Variants in ANKS4B observed in about 807,000 individuals in gnomAD.
The protein encoded by ANKS4B is ankyrin repeat and SAM domain-containing protein 4B.
Under a neutral mutation model 20.2 loss-of-function variants are expected in ANKS4B, and 21 were observed. The ratio of observed to expected loss-of-function variants is 1.04; its 90% CI spans 0.74 to 1.50. The LOEUF is 1.50. ANKS4B is among the 40% of genes most tolerant of loss of function. ANKS4B has a pLI of 0.00. For synonymous variants in ANKS4B, 179 were observed against 194.5 expected, an observed-to-expected ratio of 0.92 and a Z score of 0.66; for missense variants, 473 against 494.6, an observed-to-expected ratio of 0.96 and a Z score of 0.41.
intron 1 of ANKS4B, among the ~76,000 whole-genome samples, chr16:21,239,967 T>TA (rs1161286251): frequency 2.6e-5 from 4 of 151,956 alleles, no homozygotes; most frequent in East Asian, 3.9e-4. Context: ...AACCTAAAAT[T>TA]AAAAAAAATT....
chr16:21,242,347 C>T (rs762018735), intron 1 of ANKS4B, among the ~76,000 whole-genome samples: 19 of 152,178 alleles, frequency 1.2e-4, no homozygotes, highest in Non-Finnish European at 1.5e-4. Flanking sequence ...GCCACCACAC[C>T]CAGCTAATTT....
At chr16:21,248,504 TG>T (rs1481887183) in intron 1 of ANKS4B, among the ~76,000 whole-genome samples, 1 of 151,232 alleles carries the variant, frequency 6.6e-6, no homozygotes, top group East Asian at 2.0e-4. Context: ...CTGAGGCGGG[TG>T]GATCACCTGA....
chr16:21,238,851 C>A (rs931303364), intron 1 of ANKS4B: 3 of 152,158 alleles, frequency 2.0e-5, no homozygotes, highest in Non-Finnish European at 2.9e-5. Context: ...TCCTTCTCAA[C>A]TCCTTTCTTC....
chr16:21,242,980 T>C (rs2093328189), intron 1 of ANKS4B, among the ~76,000 whole-genome samples: 1 of 152,226 alleles, frequency 6.6e-6, no homozygotes, highest in Admixed American at 6.5e-5. Context: ...CAAGTATTAC[T>C]ATTCTTTTTA....
At chr16:21,247,535 C>G (rs1348532765) in intron 1 of ANKS4B, among the ~76,000 whole-genome samples, 1 of 152,194 alleles carries the variant, frequency 6.6e-6, no homozygotes, top group Non-Finnish European at 1.5e-5. Flanking sequence ...ACTTCTCAGA[C>G]TCACTGTCCT....
chr16:21,239,681 T>C (rs1052918985), intron 1 of ANKS4B, among the ~76,000 whole-genome samples: 3 of 152,104 alleles, frequency 2.0e-5, no homozygotes, highest in Non-Finnish European at 2.9e-5. Context: ...CAATGACAGA[T>C]TGGATAAAGG....
At position 21,236,923 on chromosome 16, in the gene ANKS4B, T is replaced by C. The variant is rs17764116; in HGVS notation, c.164+3022T>C. 8.3e-3 allele frequency among the ~76,000 whole-genome samples: 1,260 copies of C among 152,312 alleles called. 7 individuals carry two copies. Among genetic ancestry groups the C allele is most frequent in the Middle Eastern group, 0.024 (7 of 294 alleles). The stretch of plus-strand genomic sequence containing the variant: ...ACTTTGTAGGACTCTAGTCAACAAA[T>C]ACATTTCTTAGCCAACCCCTCTTTT... On this transcript the variant is annotated intron_variant, in intron 1 of 1. Coordinates refer to ENST00000311620, the MANE Select transcript of ANKS4B (RefSeq NM_145865.3).
intron 1 of ANKS4B, among the ~76,000 whole-genome samples, chr16:21,241,982 G>T (rs1801533702): frequency 6.6e-6 from 1 of 152,070 alleles, no homozygotes. Flanking sequence ...AGGATTGCTT[G>T]AGGCCAGGAG....
chr16:21,243,417 A>G (rs1162471904), intron 1 of ANKS4B, among the ~76,000 whole-genome samples: 2 of 152,256 alleles, frequency 1.3e-5, no homozygotes, highest in Non-Finnish European at 2.9e-5. Context: ...CCACCCAGGC[A>G]GTTGTATGCA....
chr16:21,249,760 G>A lies in ANKS4B; in HGVS notation c.194G>A (p.Gly65Glu). 1 of 1,613,528 alleles carries A rather than the reference G, an allele frequency of 6.2e-7. No homozygotes were observed. The highest frequency in any genetic ancestry group is 1.1e-5 in the South Asian group (1 of 91,000). The change falls in exon 2 of 2, where the codon GGA (glycine) becomes GAA (glutamate). Residue 65 changes from glycine to glutamate, a missense_variant. Coordinates refer to ENST00000311620, the MANE Select transcript of ANKS4B (RefSeq NM_145865.3). ...GACCCTGATAGGTGTGACATCTGGG[G>A]AAACACTCCTCTACATTTTGCAGCC... is the stretch of plus-strand genomic sequence containing the variant. ...GGDPDRCDIW[G>E]NTPLHFAASN...
At chr16:21,235,061 T>C (rs1249346016) in intron 1 of ANKS4B, among the ~76,000 whole-genome samples, 1 of 152,166 alleles carries the variant, frequency 6.6e-6, no homozygotes, top group South Asian at 2.1e-4. Flanking sequence ...TTGCCCAGGA[T>C]GGTCTTCAAC....
At chr16:21,234,029 T>C (rs1258869262) in intron 1 of ANKS4B, 128 bp downstream of exon 1, 7 of 986,388 alleles carry the variant, frequency 7.1e-6, no homozygotes, top group Non-Finnish European at 1.0e-5. Flanking sequence ...TGATTGGATT[T>C]TTAGAGAAAG....
At chr16:21,242,844 A>G (rs899216006) in intron 1 of ANKS4B, among the ~76,000 whole-genome samples, 6 of 152,200 alleles carry the variant, frequency 3.9e-5, no homozygotes, top group Non-Finnish European at 8.8e-5. Flanking sequence ...CAAATTCCTA[A>G]ATGTAGAATT....
chr16:21,243,321 A>T (rs1480571129), intron 1 of ANKS4B, among the ~76,000 whole-genome samples: 2 of 152,198 alleles, frequency 1.3e-5, no homozygotes, highest in Non-Finnish European at 2.9e-5. Flanking sequence ...GGAAATAGAA[A>T]AAAACAACAC....
At chr16:21,237,593 CAA>C (rs35450922) in intron 1 of ANKS4B, among the ~76,000 whole-genome samples, 71 of 125,264 alleles carry the variant, frequency 5.7e-4, no homozygotes, top group Non-Finnish European at 8.6e-4. Context: ...AAGGAAGGGG[CAA>C]AAAAAAAAAA....
rs764834931 is a variant in ANKS4B, at chr16:21,250,565, C to G, written c.999C>G (p.Asp333Glu). The part of the protein sequence containing the change: ...NGLKDDLPWD[D>E]DEVEWEEDVV... ...TCAAAGATGATCTGCCGTGGGATGA[C>G]GATGAAGTGGAGTGGGAGGAAGATG... Residue 333 changes from aspartate (D) to glutamate (E), a missense_variant, in exon 2 of 2, where the codon GAC becomes GAG. Physicochemically the swap from Asp to Glu is conservative, Grantham distance 45. Coordinates refer to ENST00000311620, the MANE Select transcript of ANKS4B (RefSeq NM_145865.3). The G allele has an allele frequency of 6.2e-7, 1 of 1,614,094 alleles. No individual in the cohort carries two copies. The highest frequency in any genetic ancestry group is 8.5e-7 in the Non-Finnish European group (1 of 1,180,038).
chr16:21,248,450 C>G (rs1597607229), intron 1 of ANKS4B, among the ~76,000 whole-genome samples: 1 of 151,230 alleles, frequency 6.6e-6, no homozygotes, highest in East Asian at 2.0e-4. Flanking sequence ...AAATTACAGG[C>G]TGGGCGTGGT....
chr16:21,243,667 G>A (rs2093328964), intron 1 of ANKS4B, among the ~76,000 whole-genome samples: 1 of 152,102 alleles, frequency 6.6e-6, no homozygotes. Flanking sequence ...CGCCTCCTGG[G>A]TTCACGCCAT....
rs561587397 is a variant in ANKS4B, at chr16:21,253,016, C to A, written c.*2196C>A. 117 of 138,950 alleles carry A rather than the reference C, an allele frequency of 8.4e-4. No homozygotes were observed. Among genetic ancestry groups the A allele is most frequent in the African/African-American group, 3.0e-3 (113 of 37,484 alleles). The allele number at this position is 138,950 out of a possible 1,614,324, so 8.6% of individuals were successfully genotyped here. On this transcript the variant is annotated 3_prime_UTR_variant, in exon 2 of 2. Transcript: ENST00000311620. ...TCTAGCCCAGGCGGTAAGAGAGACT[C>A]CATCTCAAAAAAAAAAAAAAAAAAA... is the stretch of plus-strand genomic sequence containing the variant.
Sources: allele counts gnomAD v4.1 joint callset (sites outside exome capture counted in the v4.1 genomes callset), GRCh38; gene constraint gnomAD v4.1.1; transcripts MANE v1.5; gene names NCBI Gene and HGNC (gene_info 2026-07-23, HGNC 2026-07-21).